Variants in EPC2 observed in about 807,000 individuals in gnomAD.
EPC2 encodes enhancer of polycomb 2.
EPC2 carries 14 observed loss-of-function variants against 92.1 expected under a neutral mutation model. The observed-to-expected ratio is 0.15, with a 90% confidence interval of 0.10 to 0.24. The LOEUF is 0.24. Ranked by LOEUF, EPC2 falls within the 10% of genes least tolerant of loss-of-function variation. The pLI is 1.00. For missense variants in EPC2, 755 were observed against 971.5 expected (o/e 0.78, Z 2.96); for synonymous variants, 340 against 334.7 (o/e 1.02, Z -0.17).
intron 7 of EPC2, among the ~76,000 whole-genome samples, chr2:148,765,905 G>A (rs1221812481): frequency 3.3e-5 from 5 of 152,036 alleles, no homozygotes; most frequent in African/African-American, 1.2e-4. Flanking sequence ...GTGTGGTGGC[G>A]GGCGCCTGTA....
chr2:148,673,757 TG>T (rs1454863117), intron 1 of EPC2, among the ~76,000 whole-genome samples: 3 of 152,108 alleles, frequency 2.0e-5, no homozygotes, highest in Non-Finnish European at 2.9e-5. Context: ...CTAATATTTT[TG>T]TATTTTCAGT....
intron 2 of EPC2, among the ~76,000 whole-genome samples, chr2:148,718,484 CTTTGCTTATGAAGCTTAGTTTGGCCCAA>C: frequency 6.6e-6 from 1 of 152,192 alleles, no homozygotes; most frequent in Non-Finnish European, 1.5e-5. Context: ...CTTATTTTTC[CTTTGCTTATGAAGCTTAGTTTGGCCCAA>C]TATGACATTC....
At chr2:148,667,281 G>T (rs1339908702) in intron 1 of EPC2, among the ~76,000 whole-genome samples, 1 of 152,170 alleles carries the variant, frequency 6.6e-6, no homozygotes, top group Non-Finnish European at 1.5e-5. Flanking sequence ...GAGTCAGACA[G>T]CCCCAAGTTG....
chr2:148,754,501 A>T (rs951078287), intron 4 of EPC2, among the ~76,000 whole-genome samples: 2 of 152,186 alleles, frequency 1.3e-5, no homozygotes, highest in African/African-American at 4.8e-5. Flanking sequence ...TAAATATTCT[A>T]TCACAGATCT....
At chr2:148,750,644 AG>A (rs1397725696) in intron 3 of EPC2, among the ~76,000 whole-genome samples, 2 of 152,088 alleles carry the variant, frequency 1.3e-5, no homozygotes, top group Non-Finnish European at 2.9e-5. Flanking sequence ...TGTGTAAATT[AG>A]GGGTCATTTG....
chr2:148,723,525 A>T (rs770984008), intron 2 of EPC2, among the ~76,000 whole-genome samples: 61 of 152,102 alleles, frequency 4.0e-4, no homozygotes, highest in Non-Finnish European at 6.2e-4. Context: ...GATTCTGTGT[A>T]TTCACCTCTG....
chr2:148,681,331 A>G (rs979430528), intron 1 of EPC2, among the ~76,000 whole-genome samples: 2 of 152,058 alleles, frequency 1.3e-5, no homozygotes, highest in Non-Finnish European at 2.9e-5. Flanking sequence ...AGAAGGGTTT[A>G]TTTAGGAGAA....
At chr2:148,758,335 A>C (rs557816002) in intron 4 of EPC2, among the ~76,000 whole-genome samples, 15 of 152,316 alleles carry the variant, frequency 9.8e-5, no homozygotes, top group Middle Eastern at 3.4e-3. Flanking sequence ...ATTAAACTTA[A>C]GGGGGGAAGT....
At chr2:148,729,369 G>A (rs569744417) in intron 2 of EPC2, among the ~76,000 whole-genome samples, 3 of 152,048 alleles carry the variant, frequency 2.0e-5, no homozygotes, top group South Asian at 4.2e-4. Flanking sequence ...CTGAAGAGTT[G>A]GCAAAGGTAG....
intron 1 of EPC2, among the ~76,000 whole-genome samples, chr2:148,646,361 A>G (rs990208333): frequency 2.0e-5 from 3 of 152,146 alleles, no homozygotes; most frequent in Non-Finnish European, 4.4e-5. Flanking sequence ...ATTTAATCAC[A>G]TTTCTCTTTG....
chr2:148,696,788 C>G (rs781399593), intron 2 of EPC2, among the ~76,000 whole-genome samples: 3 of 152,206 alleles, frequency 2.0e-5, no homozygotes, highest in Non-Finnish European at 4.4e-5. Context: ...CCACACTCCC[C>G]TGAGAGCACC....
chr2:148,662,368 G>A (rs1680955011), intron 1 of EPC2, among the ~76,000 whole-genome samples: 4 of 152,200 alleles, frequency 2.6e-5, no homozygotes, highest in Admixed American at 2.0e-4. Context: ...ACATGGAGAT[G>A]TATGTTTATT....
chr2:148,703,569 C>T (rs1352447053), intron 2 of EPC2, among the ~76,000 whole-genome samples: 1 of 152,110 alleles, frequency 6.6e-6, no homozygotes, highest in East Asian at 1.9e-4. Context: ...CACTGTGTTG[C>T]TCAGGCTGGA....
intron 3 of EPC2, among the ~76,000 whole-genome samples, chr2:148,750,526 CTTAAT>C (rs1454820229): frequency 1.3e-5 from 2 of 151,966 alleles, no homozygotes; most frequent in East Asian, 3.9e-4. Flanking sequence ...ATGTTTTCTC[CTTAAT>C]TTAATTTATG....
At chr2:148,731,409 A>AT (rs558626274) in intron 2 of EPC2, among the ~76,000 whole-genome samples, 57 of 150,132 alleles carry the variant, frequency 3.8e-4, no homozygotes, top group East Asian at 1.2e-3. Context: ...AATATTTAGG[A>AT]TTTTTTTTTT....
At chr2:148,778,699 A>G (rs964655709) in intron 10 of EPC2, among the ~76,000 whole-genome samples, 3 of 152,160 alleles carry the variant, frequency 2.0e-5, no homozygotes, top group Admixed American at 6.5e-5. Context: ...ATTTTGTGTC[A>G]TTGATTACTA....
At chr2:148,762,895 A>C (rs1683330304) in intron 6 of EPC2, 93 bp downstream of exon 6, 1 of 1,370,632 alleles carries the variant, frequency 7.3e-7, no homozygotes, top group African/African-American at 1.5e-5. Context: ...GTTTGAGTAA[A>C]GAAAAAGTAA....
At position 148,699,887 on chromosome 2, in the gene EPC2, C is replaced by T. The variant is rs571416105; in HGVS notation, c.313+9514C>T. Reference sequence around the variant, plus strand: ...TTCTATTGCCCCGCATCCTTATCATCGTTTGGTTTTGGGTCAGTTTTTGGA... The same window carrying T: ...TTCTATTGCCCCGCATCCTTATCATTGTTTGGTTTTGGGTCAGTTTTTGGA... On this transcript the variant is annotated intron_variant, in intron 2 of 13. Coordinates refer to ENST00000258484, the MANE Select transcript of EPC2 (RefSeq NM_015630.4). Among the ~76,000 whole-genome samples, 5 of 152,248 alleles carry T rather than the reference C, an allele frequency of 3.3e-5. 1 individual carries two copies. Among genetic ancestry groups the T allele is most frequent in the African/African-American group, 1.2e-4 (5 of 41,548 alleles).
chr2:148,776,845 T>G (rs1397221667), intron 10 of EPC2, among the ~76,000 whole-genome samples: 1 of 135,252 alleles, frequency 7.4e-6, no homozygotes, highest in Non-Finnish European at 1.5e-5. Context: ...AGCAAGACCC[T>G]GTCTCTCTCT....
Sources: gnomAD v4.1 joint callset for allele counts (sites outside exome capture counted in the v4.1 genomes callset) on GRCh38, gnomAD v4.1.1 for gene constraint, MANE v1.5 for transcripts, NCBI Gene and HGNC (gene_info 2026-07-23, HGNC 2026-07-21) for gene names.